ROCK2: variants seen among roughly 807,000 people sequenced by gnomAD.
The protein encoded by ROCK2 is rho-associated protein kinase 2.
Under a neutral mutation model 195.1 loss-of-function variants are expected in ROCK2, and 61 were observed. The ratio of observed to expected loss-of-function variants is 0.31; its 90% CI spans 0.25 to 0.39. The LOEUF (loss-of-function observed/expected upper bound fraction) is 0.39. ROCK2 is among the 10% of genes least tolerant of loss of function. The pLI, the probability that ROCK2 is intolerant of heterozygous loss-of-function variation, is 1.00. For synonymous variants in ROCK2, 504 were observed against 545.5 expected (o/e 0.92, Z 1.06); for missense variants, 1,109 against 1,637.4 (o/e 0.68, Z 5.57).
At chr2:11,215,118 AACAAACAC>A in intron 15 of ROCK2, 32 bp from the exon 16 acceptor site, 1 of 1,611,522 alleles carries the variant, frequency 6.2e-7, no homozygotes, top group South Asian at 1.1e-5. Flanking sequence ...AACAACAACA[AACAAACAC>A]ACATGTATGT....
intron 20 of ROCK2, among the ~76,000 whole-genome samples, chr2:11,202,910 C>A (rs930488791): frequency 6.6e-6 from 1 of 152,100 alleles, no homozygotes; most frequent in Non-Finnish European, 1.5e-5. Context: ...TTTATGCCAA[C>A]AAGTAGAATC....
intron 1 of ROCK2, among the ~76,000 whole-genome samples, chr2:11,330,840 G>A (rs1383865775): frequency 3.6e-5 from 1 of 28,048 alleles, no homozygotes; most frequent in African/African-American, 1.2e-4. Flanking sequence ...GAGGAAGAGG[G>A]AGGAGGAGGG....
At position 11,249,682 on chromosome 2, in the gene ROCK2, G is replaced by A; in HGVS notation, c.441C>T (p.Ala147=). ...TTACCTGAACCACCCAGGGGCTATT[G>A]GCAAAGGCCATAATATCTCTTTCTT... ...FWEERDIMAF[A]NSPWVVQLFY... is the part of the protein sequence containing the mutation. The change falls in exon 4 of 33, where the codon GCC becomes GCT. Residue 147 remains alanine (A), a synonymous_variant. Coordinates refer to ENST00000315872, the MANE Select transcript of ROCK2 (RefSeq NM_004850.5). The A allele has an allele frequency of 6.4e-7, 1 of 1,557,950 alleles. No individual in the cohort carries two copies. Among genetic ancestry groups the A allele is most frequent in the Non-Finnish European group, 8.6e-7 (1 of 1,156,126 alleles).
At chr2:11,308,179 A>G (rs1409875095) in intron 1 of ROCK2, 2 of 1,595,236 alleles carry the variant, frequency 1.3e-6, no homozygotes, top group African/African-American at 2.7e-5. Flanking sequence ...CAACACAATA[A>G]TTCTGAATTC....
rs1239022318 is a variant in ROCK2, at chr2:11,215,130, T to A, written c.1690-44A>T. 3 of 1,598,984 alleles carry A rather than the reference T, an allele frequency of 1.9e-6. No individual in the cohort carries two copies. The Admixed American group carries it at 5.2e-5, about 28-fold the overall frequency. On this transcript the variant is annotated intron_variant, in intron 15 of 32. Coordinates refer to ENST00000315872, the MANE Select transcript of ROCK2 (RefSeq NM_004850.5). ...CCAAACAACAACAAACAAACACACA[T>A]GTATGTAATGAAAATAAGTCAATGT...
At chr2:11,337,104 G>A (rs190936187) in intron 1 of ROCK2, among the ~76,000 whole-genome samples, 108 of 152,196 alleles carry the variant, frequency 7.1e-4, no homozygotes, top group Non-Finnish European at 2.4e-4. Context: ...AATTAGCCGG[G>A]TGTGGTGGTG....
chr2:11,207,744 T>A lies in ROCK2; in HGVS notation c.2531A>T (p.Gln844Leu). ...LMEMKMNLEK[Q>L]NAELRKERQD... ...AACTTACTTTCGAAGTTCAGCATTT[T>A]GTTTTTCCAAGTTCATTTTCATTTC... The change falls in exon 20 of 33, where the codon CAA (glutamine) becomes CTA (leucine). Residue 844 changes from glutamine (Q) to leucine (L), a missense_variant. Transcript: ENST00000315872. 1.2e-6 allele frequency: 2 copies of A among 1,604,312 alleles called. No individual in the cohort carries two copies. The highest frequency in any genetic ancestry group is 1.7e-6 in the Non-Finnish European group (2 of 1,175,220).
chr2:11,189,808 C>T (rs990806564), intron 32 of ROCK2, among the ~76,000 whole-genome samples: 3 of 151,838 alleles, frequency 2.0e-5, no homozygotes, highest in African/African-American at 7.3e-5. Flanking sequence ...ATAGGGAGAC[C>T]CCCATCTCTA....
At chr2:11,287,207 T>G (rs1035779560) in intron 2 of ROCK2, among the ~76,000 whole-genome samples, 2 of 152,236 alleles carry the variant, frequency 1.3e-5, no homozygotes, top group Non-Finnish European at 2.9e-5. Flanking sequence ...CACTTACTTC[T>G]GCATTGCAAC....
intron 1 of ROCK2, among the ~76,000 whole-genome samples, chr2:11,324,184 C>T (rs1668479422): frequency 6.6e-6 from 1 of 152,194 alleles, no homozygotes; most frequent in Admixed American, 6.5e-5. Context: ...CGCCTGTAAT[C>T]CCAGCACTTT....
intron 1 of ROCK2, among the ~76,000 whole-genome samples, chr2:11,295,378 A>G (rs1246029387): frequency 6.6e-6 from 1 of 152,078 alleles, no homozygotes; most frequent in Non-Finnish European, 1.5e-5. Flanking sequence ...AGTATTTTCC[A>G]TATTTGAAAC....
chr2:11,265,724 A>G (rs1666390115), intron 3 of ROCK2, among the ~76,000 whole-genome samples: 2 of 152,220 alleles, frequency 1.3e-5, no homozygotes, highest in South Asian at 4.1e-4. Flanking sequence ...TAAATTCCAT[A>G]GTTTAAAATA....
intron 1 of ROCK2, among the ~76,000 whole-genome samples, chr2:11,335,257 G>A (rs1459959577): frequency 6.6e-6 from 1 of 151,860 alleles, no homozygotes; most frequent in Non-Finnish European, 1.5e-5. Context: ...CCTAACTGCA[G>A]AATTTACAAG....
At chr2:11,217,406 TAAG>T in intron 11 of ROCK2, 1 of 563,648 alleles carries the variant, frequency 1.8e-6, no homozygotes, top group Non-Finnish European at 3.3e-6. Context: ...TAACCATGCA[TAAG>T]AAGCTCTAAC....
rs964155192 is a variant in ROCK2, at chr2:11,179,820, T to G, written c.*3617A>C. 9 of 152,148 alleles carry G rather than the reference T, an allele frequency of 5.9e-5. No individual in the cohort carries two copies. Among genetic ancestry groups the G allele is most frequent in the Non-Finnish European group, 1.3e-4 (9 of 68,020 alleles). The allele number at this position is 152,148 out of a possible 1,614,324, so 9.4% of individuals were successfully genotyped here. On this transcript the variant is annotated 3_prime_UTR_variant, in exon 33 of 33. Coordinates refer to ENST00000315872, the MANE Select transcript of ROCK2 (RefSeq NM_004850.5). ...TTTTTATAAAAAAGCAGGCATAAAATACAATTACATTACTACGAAGATGCA... is the reference window on the plus strand; with the variant it reads ...TTTTTATAAAAAAGCAGGCATAAAAGACAATTACATTACTACGAAGATGCA...
chr2:11,283,595 A>AAAG (rs367920990), intron 3 of ROCK2, among the ~76,000 whole-genome samples: 6 of 134,634 alleles, frequency 4.5e-5, no homozygotes, highest in South Asian at 5.1e-4. Flanking sequence ...AGCAAGAAAG[A>AAAG]AAAGAAAAAA....
At chr2:11,207,995 T>TA (rs1664115020) in intron 19 of ROCK2, 85 bp from the exon 20 acceptor site, 1 of 1,059,864 alleles carries the variant, frequency 9.4e-7, no homozygotes. Flanking sequence ...TATGGTGATG[T>TA]AAAACAGATT....
intron 4 of ROCK2, among the ~76,000 whole-genome samples, chr2:11,249,095 A>T (rs1395122853): frequency 6.6e-6 from 1 of 152,020 alleles, no homozygotes; most frequent in African/African-American, 2.4e-5. Context: ...ACAGGGTTTC[A>T]TTGTGTTAGC....
chr2:11,296,633 T>C (rs574007577), intron 1 of ROCK2, among the ~76,000 whole-genome samples: 1 of 152,324 alleles, frequency 6.6e-6, no homozygotes, highest in African/African-American at 2.4e-5. Context: ...TAATTTAGGA[T>C]ATGGAGAGTT....
Sources: allele counts gnomAD v4.1 joint callset (sites outside exome capture counted in the v4.1 genomes callset), GRCh38; gene constraint gnomAD v4.1.1; transcripts MANE v1.5; gene names NCBI Gene and HGNC (gene_info 2026-07-23, HGNC 2026-07-21).